The following ZNF444 variants were observed in gnomAD, a reference collection of about 807,000 sequenced individuals.
ZNF444 encodes the protein endothelial zinc finger protein 2.
A neutral mutation model predicts 14.4 loss-of-function variants in ZNF444; 8 were observed. The ratio of observed to expected loss-of-function variants is 0.56; its 90% CI spans 0.33 to 1.00. The LOEUF (loss-of-function observed/expected upper bound fraction) is 1.00, where lower values mean the gene tolerates loss of function less well. ZNF444 is among the 50% of genes least tolerant of loss of function. The pLI is 0.03. For missense variants in ZNF444, 510 were observed against 504.8 expected, an observed-to-expected ratio of 1.01 and a Z score of -0.10; for synonymous variants, 258 against 235.9, an observed-to-expected ratio of 1.09 and a Z score of -0.86.
Position 56,148,441 on chromosome 19 carries a change from G to T in ZNF444, c.297+1233G>T, listed in dbSNP as rs536581024. 9.2e-5 allele frequency among the ~76,000 whole-genome samples: 14 copies of T among 152,286 alleles called. No homozygotes were observed. In the South Asian group the frequency reaches 2.9e-3, roughly 32 times the overall value. ...GCTGAGATGTAGCAGCAGAGAGGGG[G>T]CATCTCGGTGAGGCAAAGCGAGCAA... is the stretch of plus-strand genomic sequence containing the variant. On this transcript the variant is annotated intron_variant, in intron 3 of 4. Coordinates refer to ENST00000337080, the MANE Select transcript of ZNF444 (RefSeq NM_018337.4).
intron 3 of ZNF444, chr19:56,157,348 T>G (rs2031973353): frequency 1.3e-5 from 2 of 151,988 alleles, no homozygotes; most frequent in African/African-American, 2.4e-5. Context: ...TTGACCCCCT[T>G]ATTTAGGAAA....
chr19:56,158,389 T>C (rs679557), intron 3 of ZNF444, 105 bp from the exon 4 acceptor site: 238,802 of 1,098,752 alleles, frequency 0.22, 33,876 homozygotes, highest in African/African-American at 0.58. Context: ...TGTGGCTTCC[T>C]CCCAGCAGGG....
Position 56,160,149 on chromosome 19 carries a change from T to C in ZNF444, c.932T>C (p.Val311Ala). ...GCAGCGGCCAGCGCGCAGGGGGCGGTAGCTCCGGGCCCGGATGGTGGAGGC... is the reference window on the plus strand; with the variant it reads ...GCAGCGGCCAGCGCGCAGGGGGCGGCAGCTCCGGGCCCGGATGGTGGAGGC... ...GRAAASAQGA[V>A]APGPDGGGPF... The change falls in exon 5 of 5, where the codon GTA becomes GCA. Residue 311 changes from valine (V) to alanine (A), a missense_variant. Val to Ala is a moderately conservative substitution (Grantham distance 64). Transcript: ENST00000337080. The C allele has an allele frequency of 6.7e-7, 1 of 1,483,122 alleles. No individual in the cohort carries two copies. The allele number at this position is 1,483,122 out of a possible 1,614,324, so 91.9% of individuals were successfully genotyped here.
chr19:56,158,786 TCATCCATC>T (rs368658622), intron 4 of ZNF444, among the ~76,000 whole-genome samples, 184 bp downstream of exon 4: 1 of 151,940 alleles, frequency 6.6e-6, no homozygotes, highest in African/African-American at 2.4e-5. Context: ...GGTTGGAGGT[TCATCCATC>T]CATCTATCCA....
At chr19:56,148,255 C>A (rs896850537) in intron 3 of ZNF444, among the ~76,000 whole-genome samples, 1 of 152,162 alleles carries the variant, frequency 6.6e-6, no homozygotes, top group Non-Finnish European at 1.5e-5. Context: ...TGGTCCAGGC[C>A]ACGAGAGCAG....
At chr19:56,151,852 C>T (rs151337418) in intron 3 of ZNF444, 254 of 425,006 alleles carry the variant, frequency 6.0e-4, no homozygotes, top group African/African-American at 2.9e-3. Context: ...TGGAAACTGA[C>T]GGTGGTGTAT....
intron 4 of ZNF444, 89 bp downstream of exon 4, chr19:56,158,691 C>A: frequency 8.3e-7 from 1 of 1,210,880 alleles, no homozygotes; most frequent in Non-Finnish European, 1.1e-6. Context: ...GGACCCAGGA[C>A]AAGGACAGAC....
At chr19:56,137,622 C>T (rs546688066), upstream of ZNF444, among the ~76,000 whole-genome samples, 86 of 152,228 alleles carry the variant, frequency 5.6e-4, no homozygotes, top group South Asian at 8.5e-3. Flanking sequence ...AATATTCCTC[C>T]GGATCTGCCT....
At chr19:56,138,884 C>T (rs187788882), upstream of ZNF444, among the ~76,000 whole-genome samples, 1 of 150,018 alleles carries the variant, frequency 6.7e-6, no homozygotes, top group Admixed American at 6.7e-5. Flanking sequence ...GCAACCTCCA[C>T]CTTCCAGGTT....
chr19:56,141,065 G>C (rs1486863444), upstream of ZNF444: 1 of 152,108 alleles, frequency 6.6e-6, no homozygotes, highest in African/African-American at 2.4e-5. Flanking sequence ...GGGAAATGTA[G>C]TTCCAGTGTT....
chr19:56,160,533 T>G lies in ZNF444; in HGVS notation c.*332T>G. ...CCCAGCCTCCCTCTCCCTCCTCCAT[T>G]CCTCTCTCCCTGCCCTTTTCCTGCC... On this transcript the variant is annotated 3_prime_UTR_variant, in exon 5 of 5. Transcript: ENST00000337080. The G allele has an allele frequency of 3.5e-6, 1 of 284,500 alleles. No individual in the cohort carries two copies. 17.6% of individuals were successfully genotyped at this position (284,500 alleles called of 1,614,324 possible).
At chr19:56,153,161 G>A (rs1405140609) in intron 3 of ZNF444, among the ~76,000 whole-genome samples, 2 of 152,096 alleles carry the variant, frequency 1.3e-5, no homozygotes, top group Non-Finnish European at 2.9e-5. Flanking sequence ...GGGAGAACAG[G>A]GGACATTTGG....
rs1025627382 is a variant in ZNF444 at position 56,147,781 on chromosome 19, G to A, written c.297+573G>A. Among the ~76,000 whole-genome samples the A allele has an allele frequency of 1.3e-5, 2 of 152,150 alleles. No homozygotes were observed. Among genetic ancestry groups the A allele is most frequent in the East Asian group, 1.9e-4 (1 of 5,180 alleles). Reference sequence around the variant, plus strand: ...GGCAGGCAGACCCTCCTTATCATGCGTGAGGCTCCAAGGGCTCAGAGATGA... The same window carrying A: ...GGCAGGCAGACCCTCCTTATCATGCATGAGGCTCCAAGGGCTCAGAGATGA... On this transcript the variant is annotated intron_variant, in intron 3 of 4. Coordinates refer to ENST00000337080, the MANE Select transcript of ZNF444 (RefSeq NM_018337.4). The surrounding 1 kb of genome is among the most constrained non-coding windows in gnomAD (Gnocchi z 5.9).
upstream of ZNF444, among the ~76,000 whole-genome samples, chr19:56,137,540 G>A (rs2030639861): frequency 6.6e-6 from 1 of 152,188 alleles, no homozygotes; most frequent in Non-Finnish European, 1.5e-5. Flanking sequence ...AGGAAACGGT[G>A]TTGGATCGAG....
chr19:56,136,928 G>GCC (rs2030625647), upstream of ZNF444, among the ~76,000 whole-genome samples: 6 of 152,104 alleles, frequency 3.9e-5, no homozygotes, highest in Admixed American at 2.6e-4. Context: ...TTACAGGGAT[G>GCC]CACCACTACA....
Position 56,147,754 on chromosome 19 carries a change from G to T in ZNF444, c.297+546G>T, listed in dbSNP as rs773744950. ...GCTTTTGGGCTGGCCTGAGTCCCCC[G>T]GGGCAGGCAGACCCTCCTTATCATG... On this transcript the variant is annotated intron_variant, in intron 3 of 4. Transcript: ENST00000337080. This position sits in a 1 kb window ranked among gnomAD's most constrained non-coding sequence, Gnocchi z 5.9. Among the ~76,000 whole-genome samples, 2 of 150,532 alleles carry T rather than the reference G, an allele frequency of 1.3e-5. No homozygotes were observed. The highest frequency in any genetic ancestry group is 5.0e-5 in the African/African-American group (2 of 39,918).
intron 4 of ZNF444, 108 bp downstream of exon 4, chr19:56,158,710 C>T: frequency 9.4e-7 from 1 of 1,059,140 alleles, no homozygotes; most frequent in Non-Finnish European, 1.3e-6. Context: ...ACTTGGACCC[C>T]AGCCCTTGAG....
chr19:56,160,093 C>T lies in ZNF444; in HGVS notation c.876C>T (p.His292=), dbSNP rs776722837. 2.3e-4 allele frequency: 347 copies of T among 1,498,382 alleles called. 1 individual carries two copies. Among genetic ancestry groups the T allele is most frequent in the Non-Finnish European group, 2.7e-4 (309 of 1,129,552 alleles). The allele number at this position is 1,498,382 out of a possible 1,614,324, so 92.8% of individuals were successfully genotyped here. A position where few individuals can be genotyped will look rare whatever the true frequency, so the allele number is the denominator to read the frequency against. Residue 292 remains histidine, a synonymous_variant, in exon 5 of 5, where the codon CAC becomes CAT. Transcript: ENST00000337080. ...ECGKGFGRRE[H]VLRHQRIHGR... is the part of the protein sequence containing the mutation. ...GCAAGGGCTTCGGGCGCCGCGAGCA[C>T]GTGCTGCGCCACCAGCGCATCCACG... is the stretch of plus-strand genomic sequence containing the variant.
chr19:56,139,118 T>C (rs531229432), upstream of ZNF444, among the ~76,000 whole-genome samples: 49 of 152,170 alleles, frequency 3.2e-4, no homozygotes, highest in Non-Finnish European at 4.6e-4. Context: ...TTAATGCTAC[T>C]GAACTGTACC....
Sources: gnomAD v4.1 joint callset for allele counts (sites outside exome capture counted in the v4.1 genomes callset) on GRCh38, gnomAD v4.1.1 for gene constraint, Gnocchi (gnomAD v3.1) non-coding constraint, MANE v1.5 for transcripts, NCBI Gene and HGNC (gene_info 2026-07-23, HGNC 2026-07-21) for gene names.